KCNMA1: variants seen among roughly 807,000 people sequenced by gnomAD.
KCNMA1 encodes potassium calcium-activated channel subfamily M alpha 1.
In KCNMA1, 29 loss-of-function variants were observed where a neutral mutation model predicts 140.0. The ratio of observed to expected loss-of-function variants is 0.21; its 90% CI spans 0.15 to 0.28. KCNMA1 has a LOEUF of 0.28. KCNMA1 is among the 10% of genes least tolerant of loss of function. The probability of loss-of-function intolerance (pLI) is 1.00; values close to 1 mark genes in which losing one functional copy is unlikely to be tolerated. For missense variants in KCNMA1, 880 were observed against 1,602.2 expected (o/e 0.55, Z 7.70); for synonymous variants, 612 against 611.9 (o/e 1.00, Z 0.00).
intron 3 of KCNMA1, among the ~76,000 whole-genome samples, chr10:77,188,059 G>C (rs1057051565): frequency 2.0e-5 from 3 of 152,118 alleles, no homozygotes; most frequent in Non-Finnish European, 2.9e-5. Flanking sequence ...GCACATTATA[G>C]GATGGAGAAT....
intron 2 of KCNMA1, among the ~76,000 whole-genome samples, chr10:77,288,815 C>T (rs1451091067): frequency 6.6e-6 from 1 of 152,202 alleles, no homozygotes; most frequent in African/African-American, 2.4e-5. Context: ...CTGATACTCG[C>T]ATTTTAACAA....
At chr10:77,337,846 G>C (rs2089677889) in intron 2 of KCNMA1, among the ~76,000 whole-genome samples, 1 of 152,166 alleles carries the variant, frequency 6.6e-6, no homozygotes, top group African/African-American at 2.4e-5. Flanking sequence ...CATTTTGGCA[G>C]AAACTTTAGG....
chr10:77,247,762 T>C (rs181167288), intron 3 of KCNMA1, among the ~76,000 whole-genome samples: 4 of 152,278 alleles, frequency 2.6e-5, no homozygotes, highest in East Asian at 3.9e-4. Flanking sequence ...ACTAACATGA[T>C]GTCTGACCAA....
chr10:77,289,785 T>C (rs2072513022), intron 2 of KCNMA1, among the ~76,000 whole-genome samples: 1 of 152,152 alleles, frequency 6.6e-6, no homozygotes, highest in African/African-American at 2.4e-5. Context: ...CATGATGAAA[T>C]AGATGGCCTA....
At position 77,110,293 on chromosome 10, in the gene KCNMA1, G is replaced by T; in HGVS notation, c.1011C>A (p.Leu337=). 6.2e-7 allele frequency: 1 copy of T among 1,614,014 alleles called. No individual in the cohort carries two copies. The highest frequency in any genetic ancestry group is 1.6e-4 in the Middle Eastern group (1 of 6,062). Residue 337 remains leucine, a synonymous_variant, in exon 8 of 28, where the codon CTC becomes CTA. Transcript: ENST00000286628. ...GTAAATAGACACATTCCCAGTAGGT[G>T]AGAGCCTGGTTGTTTTGGAAATTTT... ...PWENFQNNQA[L]TYWECVYLLM...
At chr10:77,405,799 G>C (rs571446490) in intron 1 of KCNMA1, among the ~76,000 whole-genome samples, 1 of 152,334 alleles carries the variant, frequency 6.6e-6, no homozygotes, top group Non-Finnish European at 1.5e-5. Flanking sequence ...GTGGTGAAAA[G>C]CTTTGTCTGC....
intron 5 of KCNMA1, among the ~76,000 whole-genome samples, chr10:77,155,785 A>G (rs2098476008): frequency 6.6e-6 from 1 of 152,218 alleles, no homozygotes; most frequent in Non-Finnish European, 1.5e-5. Context: ...TAGAATTGAA[A>G]GCTATAGCCT....
intron 1 of KCNMA1, among the ~76,000 whole-genome samples, chr10:77,606,436 C>G (rs2084543246): frequency 1.3e-5 from 2 of 152,076 alleles, no homozygotes; most frequent in South Asian, 4.2e-4. Flanking sequence ...GTTCAAGACC[C>G]CATCTCTACA....
intron 5 of KCNMA1, among the ~76,000 whole-genome samples, chr10:77,135,827 G>A (rs1158246600): frequency 1.3e-5 from 2 of 152,148 alleles, no homozygotes; most frequent in African/African-American, 4.8e-5. Context: ...GGGTGGTTGG[G>A]TAGATGTTGG....
intron 18 of KCNMA1, among the ~76,000 whole-genome samples, chr10:77,005,114 G>T (rs1223474865): frequency 6.6e-6 from 1 of 152,164 alleles, no homozygotes; most frequent in East Asian, 1.9e-4. Context: ...ATACAAAGTA[G>T]ATCTATGAGG....
chr10:76,907,284 T>A (rs1428533341), intron 25 of KCNMA1, among the ~76,000 whole-genome samples: 2 of 152,214 alleles, frequency 1.3e-5, no homozygotes, highest in East Asian at 3.8e-4. Context: ...AAATTTCAAA[T>A]CAATTCACTT....
At chr10:77,040,382 A>C (rs967278796) in intron 14 of KCNMA1, among the ~76,000 whole-genome samples, 1 of 152,188 alleles carries the variant, frequency 6.6e-6, no homozygotes, top group Non-Finnish European at 1.5e-5. Context: ...AATATACAAG[A>C]ACATCCTTTC....
intron 14 of KCNMA1, among the ~76,000 whole-genome samples, chr10:77,066,422 T>C (rs2095951401): frequency 6.6e-6 from 1 of 152,138 alleles, no homozygotes; most frequent in Non-Finnish European, 1.5e-5. Context: ...GTTTCAGCCA[T>C]GGGAAGGATG....
Position 77,167,921 on chromosome 10 carries a change from G to A in KCNMA1, c.808+15500C>T, listed in dbSNP as rs117818524. Among the ~76,000 whole-genome samples the A allele has an allele frequency of 3.6e-4, 54 of 152,086 alleles. 1 individual carries two copies. In the East Asian group the frequency reaches 0.01, roughly 29 times the overall value. On this transcript the variant is annotated intron_variant, in intron 5 of 27. Transcript: ENST00000286628. Reference sequence around the variant, plus strand: ...TGGTCTCAAACTCCAGGACTCAAGCGATCCTCCCACCTCAGCTTCCCAAAT... The same window carrying A: ...TGGTCTCAAACTCCAGGACTCAAGCAATCCTCCCACCTCAGCTTCCCAAAT...
At chr10:77,299,834 G>T (rs1373077427) in intron 2 of KCNMA1, among the ~76,000 whole-genome samples, 1 of 152,158 alleles carries the variant, frequency 6.6e-6, no homozygotes, top group Non-Finnish European at 1.5e-5. Flanking sequence ...ATAGCATCAA[G>T]GTCCCCAGAG....
chr10:76,942,097 G>C (rs568577459), intron 23 of KCNMA1, among the ~76,000 whole-genome samples: 1 of 152,072 alleles, frequency 6.6e-6, no homozygotes, highest in Non-Finnish European at 1.5e-5. Context: ...TCAGCCTCCC[G>C]AGTAGCTGGG....
chr10:77,217,531 T>C (rs1331071944), intron 3 of KCNMA1: 4 of 456,640 alleles, frequency 8.8e-6, no homozygotes, highest in Admixed American at 4.7e-5. Flanking sequence ...GCATTCAATA[T>C]GTTGGTTTGC....
intron 3 of KCNMA1, among the ~76,000 whole-genome samples, chr10:77,198,275 T>C (rs994129813): frequency 1.1e-4 from 17 of 152,008 alleles, no homozygotes; most frequent in Non-Finnish European, 4.4e-5. Context: ...GTTACAGAGC[T>C]CATGATGACT....
intron 25 of KCNMA1, among the ~76,000 whole-genome samples, chr10:76,896,024 G>A (rs951367336): frequency 1.2e-4 from 18 of 152,176 alleles, no homozygotes; most frequent in African/African-American, 3.9e-4. Context: ...CTGTGCAGGC[G>A]TTGTCATTGA....
Sources: gnomAD v4.1 joint callset for allele counts (sites outside exome capture counted in the v4.1 genomes callset) on GRCh38, gnomAD v4.1.1 for gene constraint, MANE v1.5 for transcripts, NCBI Gene and HGNC (gene_info 2026-07-23, HGNC 2026-07-21) for gene names.